PIGG: variants seen among roughly 807,000 people sequenced by gnomAD.
PIGG encodes the protein GPI ethanolamine phosphate transferase 2, catalytic subunit.
A neutral mutation model predicts 83.2 loss-of-function variants in PIGG; 70 were observed. The observed-to-expected ratio is 0.84, with a 90% CI of 0.69 to 1.03. The LOEUF (loss-of-function observed/expected upper bound fraction) is 1.03. PIGG is among the 50% of genes least tolerant of loss of function. The pLI, the probability that PIGG is intolerant of heterozygous loss-of-function variation, is 0.00. For missense variants in PIGG, 1,257 were observed against 1,233.6 expected (o/e 1.02, Z -0.28); for synonymous variants, 532 against 519.5 (o/e 1.02, Z -0.33).
chr4:505,944 AG>A lies in PIGG; in HGVS notation c.570+18del, dbSNP rs1322798844. 5 of 1,521,814 alleles carry A rather than the reference AG, an allele frequency of 3.3e-6. No homozygotes were observed. Among genetic ancestry groups the A allele is most frequent in the Middle Eastern group, 3.4e-4 (2 of 5,900 alleles). The allele number at this position is 1,521,814 out of a possible 1,614,324, so 94.3% of individuals were successfully genotyped here. ...TACACAGAGGTCAGTTTTTAAAATA[AG>A]AAAATATATCATACTAGAATATCAT... On this transcript the variant is annotated intron_variant, in intron 3 of 12. Coordinates refer to ENST00000453061, the MANE Select transcript of PIGG (RefSeq NM_001127178.3).
rs1306524202 is a variant in PIGG at position 528,548 on chromosome 4, GC to G, written c.2261+1320del. ...AGAGTGTAGCAGGCCGTCATACGGG[GC>G]CGGGGCCTGGGGCAGAGAGGATGCT... On this transcript the variant is annotated intron_variant, in intron 10 of 12. Transcript: ENST00000453061. This position sits in a 1 kb window ranked among gnomAD's most constrained non-coding sequence, Gnocchi z 4.8. 1.0e-6 allele frequency: 1 copy of G among 985,264 alleles called. No individual in the cohort carries two copies. Among genetic ancestry groups the G allele is most frequent in the African/African-American group, 1.7e-5 (1 of 57,220 alleles). The allele number at this position is 985,264 out of a possible 1,614,324, so 61.0% of individuals were successfully genotyped here. A position where few individuals can be genotyped will look rare whatever the true frequency, so the allele number is the denominator to read the frequency against.
chr4:508,760 T>C, intron 4 of PIGG, 69 bp from the exon 5 acceptor site: 1 of 1,453,952 alleles, frequency 6.9e-7, no homozygotes, highest in Non-Finnish European at 9.5e-7. Context: ...AAACCGAAAA[T>C]TGTCTTCTTA....
intron 11 of PIGG, 133 bp downstream of exon 11, chr4:530,878 C>T (rs1319421135): frequency 2.1e-5 from 14 of 671,120 alleles, no homozygotes; most frequent in Admixed American, 7.9e-5. Context: ...GCTGAACTCT[C>T]GTGTATTTTA....
rs1560290098 is a variant in PIGG at position 508,912 on chromosome 4, C to T, written c.843C>T (p.Ser281=). The change falls in exon 5 of 13, where the codon TCC becomes TCT. Residue 281 remains serine, a synonymous_variant. Coordinates refer to ENST00000453061, the MANE Select transcript of PIGG (RefSeq NM_001127178.3). ...AAACAGGAAGTCACGGGGCCTCCTC[C>T]ACCGAGGAGGTGAATACACCTCTGA... is the stretch of plus-strand genomic sequence containing the variant. ...MSETGSHGAS[S]TEEVNTPLIL... The T allele has an allele frequency of 6.2e-7, 1 of 1,610,262 alleles. No individual in the cohort carries two copies. Among genetic ancestry groups the T allele is most frequent in the Non-Finnish European group, 8.5e-7 (1 of 1,176,504 alleles).
rs1283102130 is a variant in PIGG at position 523,596 on chromosome 4, C to G, written c.1752C>G (p.Thr584=). The G allele has an allele frequency of 2.5e-6, 4 of 1,614,020 alleles. No homozygotes were observed. In the African/African-American group the frequency reaches 5.3e-5, roughly 22 times the overall value. ...EHQTWYFLVN[T]LCLALSQETY... is the part of the protein sequence containing the mutation. ...AGACCTGGTACTTCCTTGTGAACAC[C>G]CTGTGTCTAGCTCTGAGCCAAGAAA... Residue 584 remains threonine, a synonymous_variant, in exon 9 of 13, where the codon ACC becomes ACG. Transcript: ENST00000453061.
In PIGG at chr4:530,704, G is replaced by T; in HGVS notation, c.2530G>T (p.Val844Leu). ...GAGACACGATGCAGCTGAGATTACT[G>T]TGATGCATTATTGGTTTGGTCAAGC... ...PLRHDAAEIT[V>L]MHYWFGQAFF... Residue 844 changes from valine (V) to leucine (L), a missense_variant, in exon 11 of 13, where the codon GTG becomes TTG. Physicochemically the swap from Val to Leu is conservative, Grantham distance 32 (BLOSUM62 1). Coordinates refer to ENST00000453061, the MANE Select transcript of PIGG (RefSeq NM_001127178.3). The T allele has an allele frequency of 6.2e-7, 1 of 1,613,574 alleles. No homozygotes were observed. The highest frequency in any genetic ancestry group is 1.7e-5 in the Admixed American group (1 of 60,018).
At chr4:533,766 T>TCACGCTAACATCGTGGCA in intron 11 of PIGG, 52 bp from the exon 12 acceptor site, 1 of 1,558,134 alleles carries the variant, frequency 6.4e-7, no homozygotes, top group Non-Finnish European at 8.8e-7. Flanking sequence ...ACATCGTGGC[T>TCACGCTAACATCGTGGCA]GTTGATGCCA....
chr4:525,329 T>C (rs1221232650), intron 9 of PIGG: 1 of 985,300 alleles, frequency 1.0e-6, no homozygotes, highest in African/African-American at 1.7e-5. Context: ...ACTTAAATTT[T>C]AATTGTCTGG....
rs549550959 is a variant in PIGG, at chr4:522,523, A to G, written c.1614+582A>G. ...TGGTGAGGCAGTGAGGAAGAGGCGG[A>G]TGGTCACACTCAGATCCACAGAGCC... On this transcript the variant is annotated intron_variant, in intron 8 of 12. Coordinates refer to ENST00000453061, the MANE Select transcript of PIGG (RefSeq NM_001127178.3). 1.1e-3 allele frequency: 204 copies of G among 187,786 alleles called. 1 individual carries two copies. The highest frequency in any genetic ancestry group is 5.3e-3 in the Middle Eastern group (2 of 376). 11.6% of individuals were successfully genotyped at this position (187,786 alleles called of 1,614,324 possible). A position where few individuals can be genotyped will look rare whatever the true frequency, so the allele number is the denominator to read the frequency against.
chr4:508,826 A>G lies in PIGG; in HGVS notation c.760-3A>G, dbSNP rs1333431783. 1.2e-6 allele frequency: 2 copies of G among 1,613,820 alleles called. No homozygotes were observed. Among genetic ancestry groups the G allele is most frequent in the Non-Finnish European group, 1.7e-6 (2 of 1,179,828 alleles). On this transcript the variant is annotated splice_region_variant and splice_polypyrimidine_tract_variant and intron_variant, in intron 4 of 12. Transcript: ENST00000453061. ...GTTGAAATGTTTTTCCTTTGCCTTA[A>G]AGGAGAGAGAGACGCCTTTACCCAA...
chr4:535,307 G>A (rs1044835318), intron 12 of PIGG, among the ~76,000 whole-genome samples: 1 of 151,386 alleles, frequency 6.6e-6, no homozygotes, highest in African/African-American at 2.5e-5. Flanking sequence ...CTTTGGAGGG[G>A]CTAGTGGCCC....
chr4:514,938 T>C (rs1426621681), intron 5 of PIGG, among the ~76,000 whole-genome samples: 1 of 152,236 alleles, frequency 6.6e-6, no homozygotes, highest in Non-Finnish European at 1.5e-5. Context: ...AAGCACTTAA[T>C]GTAAGAAAAT....
In PIGG at chr4:499,281, A is replaced by G. The variant is rs1354561246; in HGVS notation, c.-55A>G. On this transcript the variant is annotated 5_prime_UTR_variant, in exon 1 of 13. Transcript: ENST00000453061. Reference sequence around the variant, plus strand: ...TACCTGGAGCCGGAAGCGCGGCTGCAGCAGGGCGAGGCTCCAGGTGGGGTC... The same window carrying G: ...TACCTGGAGCCGGAAGCGCGGCTGCGGCAGGGCGAGGCTCCAGGTGGGGTC... The G allele has an allele frequency of 6.3e-7, 1 of 1,576,968 alleles. No homozygotes were observed.
chr4:500,334 A>G (rs1208003910), intron 1 of PIGG, 62 bp from the exon 2 acceptor site: 3 of 1,173,376 alleles, frequency 2.6e-6, no homozygotes, highest in Admixed American at 3.6e-5. Context: ...TAGATTGTGA[A>G]GGTGCTTGAT....
At chr4:520,268 C>A (rs1725367548) in intron 6 of PIGG, among the ~76,000 whole-genome samples, 1 of 152,250 alleles carries the variant, frequency 6.6e-6, no homozygotes, top group Non-Finnish European at 1.5e-5. Context: ...GAAGTTGTTG[C>A]TTTGCAGACC....
chr4:526,689 A>T (rs1215880649), intron 9 of PIGG, among the ~76,000 whole-genome samples: 3 of 150,942 alleles, frequency 2.0e-5, no homozygotes, highest in Non-Finnish European at 4.4e-5. Flanking sequence ...CCGTTTGTGA[A>T]TGAGAAGTGA....
intron 10 of PIGG, 120 bp from the exon 11 acceptor site, chr4:530,316 A>C: frequency 8.5e-6 from 6 of 706,898 alleles, no homozygotes; most frequent in South Asian, 7.2e-5. Context: ...CGGCTCCTTT[A>C]GTCAGCAGTG....
In PIGG at chr4:505,733, A is replaced by T; in HGVS notation, c.376A>T (p.Ser126Cys). ...MPRIKALMTG[S>C]LPGFVDVIRN... Reference sequence around the variant, plus strand: ...CTGACTGCAGGCATTGATGACGGGGAGCCTTCCTGGCTTTGTCGACGTCAT... The same window carrying T: ...CTGACTGCAGGCATTGATGACGGGGTGCCTTCCTGGCTTTGTCGACGTCAT... Residue 126 changes from serine (S) to cysteine (C), a missense_variant, in exon 3 of 13, where the codon AGC becomes TGC. Transcript: ENST00000453061. 6.2e-7 allele frequency: 1 copy of T among 1,612,486 alleles called. No homozygotes were observed. The highest frequency in any genetic ancestry group is 1.3e-5 in the African/African-American group (1 of 74,604).
chr4:538,677 C>CA (rs1350120237), intron 12 of PIGG, among the ~76,000 whole-genome samples: 1 of 149,520 alleles, frequency 6.7e-6, no homozygotes, highest in Non-Finnish European at 1.5e-5. Flanking sequence ...TCTGGAGACT[C>CA]AGACCTCTGC....
Sources: allele counts gnomAD v4.1 joint callset (sites outside exome capture counted in the v4.1 genomes callset), GRCh38; gene constraint gnomAD v4.1.1; non-coding constraint Gnocchi (gnomAD v3.1); transcripts MANE v1.5; gene names NCBI Gene and HGNC (gene_info 2026-07-23, HGNC 2026-07-21).